The following RBFOX1 variants were observed in gnomAD, a reference collection of about 807,000 sequenced individuals.
RBFOX1 encodes RNA binding protein fox-1 homolog 1.
A neutral mutation model predicts 57.7 loss-of-function variants in RBFOX1; 8 were observed. That is an observed-to-expected ratio of 0.14 (90% confidence interval 0.08 to 0.25). RBFOX1 has a LOEUF of 0.25. Among genes scored for constraint, RBFOX1 ranks in the 10% least tolerant of loss-of-function variants. The pLI is 1.00. For synonymous variants in RBFOX1, 326 were observed against 222.4 expected (o/e 1.47, Z -4.15); for missense variants, 611 against 548.5 (o/e 1.11, Z -1.14).
intron 3 of RBFOX1, among the ~76,000 whole-genome samples, chr16:5,760,077 G>T (rs977791452): frequency 1.3e-5 from 2 of 151,650 alleles, no homozygotes; most frequent in African/African-American, 4.8e-5. Context: ...TAAATAGCAG[G>T]AAATTTTTGC....
chr16:5,951,100 AC>A (rs1279358024), intron 4 of RBFOX1, among the ~76,000 whole-genome samples: 2 of 152,082 alleles, frequency 1.3e-5, no homozygotes, highest in Non-Finnish European at 2.9e-5. Context: ...CCTCACAGAG[AC>A]CTATACAATC....
At chr16:7,074,529 A>G (rs2057952713) in intron 4 of RBFOX1, among the ~76,000 whole-genome samples, 1 of 152,190 alleles carries the variant, frequency 6.6e-6, no homozygotes, top group Admixed American at 6.5e-5. Flanking sequence ...ACTAAGGAAC[A>G]GGAAGAAGAA....
At chr16:7,349,843 G>T (rs1003384241) in intron 4 of RBFOX1, among the ~76,000 whole-genome samples, 2 of 152,132 alleles carry the variant, frequency 1.3e-5, no homozygotes, top group Non-Finnish European at 2.9e-5. Flanking sequence ...TAGCTGCTAG[G>T]AAGGAAATAA....
intron 2 of RBFOX1, among the ~76,000 whole-genome samples, chr16:6,436,690 T>C (rs1202919317): frequency 6.6e-6 from 1 of 152,150 alleles, no homozygotes; most frequent in Non-Finnish European, 1.5e-5. Flanking sequence ...CAATGGACTG[T>C]AAGTTACATA....
intron 2 of RBFOX1, among the ~76,000 whole-genome samples, chr16:6,370,286 A>T (rs759074563): frequency 8.0e-5 from 11 of 137,356 alleles, no homozygotes; most frequent in Non-Finnish European, 1.4e-4. Context: ...TGAACTCAGG[A>T]GGCGGAGCTT....
At chr16:6,535,060 G>A (rs778853490) in intron 2 of RBFOX1, among the ~76,000 whole-genome samples, 2 of 152,164 alleles carry the variant, frequency 1.3e-5, no homozygotes, top group Non-Finnish European at 2.9e-5. Context: ...GCATCCTGCA[G>A]CAAAAGCCAG....
intron 2 of RBFOX1, among the ~76,000 whole-genome samples, chr16:6,411,785 C>G (rs548493878): frequency 2.0e-4 from 30 of 152,320 alleles, no homozygotes; most frequent in African/African-American, 7.0e-4. Context: ...CAGCCCTGTA[C>G]AGTGACCAGT....
At chr16:6,106,331 G>T (rs558029092) in intron 1 of RBFOX1, among the ~76,000 whole-genome samples, 3 of 151,900 alleles carry the variant, frequency 2.0e-5, no homozygotes, top group Admixed American at 2.0e-4. Flanking sequence ...CTTGATGACA[G>T]GTGTCTGTAA....
At chr16:7,392,133 G>A (rs752015786) in intron 4 of RBFOX1, among the ~76,000 whole-genome samples, 4 of 152,080 alleles carry the variant, frequency 2.6e-5, no homozygotes, top group South Asian at 2.1e-4. Flanking sequence ...TTCTGTACAC[G>A]CTTTTCCTCC....
chr16:7,222,800 G>A (rs1440008975), intron 4 of RBFOX1, among the ~76,000 whole-genome samples: 1 of 152,168 alleles, frequency 6.6e-6, no homozygotes, highest in African/African-American at 2.4e-5. Flanking sequence ...CAACTATCAG[G>A]TACTCTTCTG....
intron 3 of RBFOX1, among the ~76,000 whole-genome samples, chr16:6,888,643 G>C (rs2064704519): frequency 1.3e-5 from 2 of 152,106 alleles, no homozygotes; most frequent in Non-Finnish European, 2.9e-5. Flanking sequence ...TTGCAGGTCA[G>C]TATTTATACT....
At position 6,697,473 on chromosome 16, in the gene RBFOX1, A is replaced by C. The variant is rs969656493; in HGVS notation, c.-16+42823A>C. Reference sequence around the variant, plus strand: ...GTGAGACTGACTTCAGGAATTAAGGAATCCAAAAACTAAATGATGTACAGA... The same window carrying C: ...GTGAGACTGACTTCAGGAATTAAGGCATCCAAAAACTAAATGATGTACAGA... On this transcript the variant is annotated intron_variant, in intron 3 of 15. Coordinates refer to ENST00000550418, the MANE Select transcript of RBFOX1 (RefSeq NM_018723.4). Among the ~76,000 whole-genome samples the C allele has an allele frequency of 7.2e-5, 11 of 152,326 alleles. No individual in the cohort carries two copies. The South Asian group carries it at 8.3e-4, about 11-fold the overall frequency.
chr16:6,656,902 ACTCTCCTCTCCTCCC>A (rs1555659626), intron 3 of RBFOX1, among the ~76,000 whole-genome samples: 14 of 44,670 alleles, frequency 3.1e-4, no homozygotes, highest in South Asian at 1.1e-3. Context: ...CCTCCCCTCA[ACTCTCCTCTCCTCCC>A]CTCTCCTCTC....
intron 1 of RBFOX1, among the ~76,000 whole-genome samples, chr16:5,254,986 C>T (rs1488609391): frequency 6.6e-6 from 1 of 152,152 alleles, no homozygotes; most frequent in Non-Finnish European, 1.5e-5. Context: ...ATTAAGGAAC[C>T]CCTGGCTCTA....
intron 4 of RBFOX1, among the ~76,000 whole-genome samples, chr16:7,181,144 C>A (rs997541841): frequency 2.0e-5 from 3 of 152,194 alleles, no homozygotes; most frequent in Non-Finnish European, 4.4e-5. Flanking sequence ...CCTTCCTTGT[C>A]ATGTGCCAGG....
At chr16:7,098,242 C>G (rs1655553171) in intron 4 of RBFOX1, among the ~76,000 whole-genome samples, 1 of 152,126 alleles carries the variant, frequency 6.6e-6, no homozygotes, top group African/African-American at 2.4e-5. Flanking sequence ...CGATCTTGGC[C>G]CATTACAACC....
intron 4 of RBFOX1, among the ~76,000 whole-genome samples, chr16:7,065,840 T>C (rs915113315): frequency 2.6e-5 from 4 of 152,218 alleles, no homozygotes; most frequent in African/African-American, 9.6e-5. Flanking sequence ...ATCACCATTC[T>C]ACTCTTGCTT....
At chr16:7,497,810 C>G (rs1176982494) in intron 4 of RBFOX1, among the ~76,000 whole-genome samples, 1 of 152,190 alleles carries the variant, frequency 6.6e-6, no homozygotes, top group Non-Finnish European at 1.5e-5. Context: ...CTACGGATGC[C>G]TTAAGCATTC....
At chr16:6,541,518 A>G (rs577164937) in intron 2 of RBFOX1, among the ~76,000 whole-genome samples, 2 of 152,350 alleles carry the variant, frequency 1.3e-5, no homozygotes, top group South Asian at 4.1e-4. Context: ...AGGGTGACGT[A>G]GTAGTACCTG....
Sources: gnomAD v4.1 joint callset for allele counts (sites outside exome capture counted in the v4.1 genomes callset) on GRCh38, gnomAD v4.1.1 for gene constraint, MANE v1.5 for transcripts, NCBI Gene and HGNC (gene_info 2026-07-23, HGNC 2026-07-21) for gene names.